Variants in ROBO1 observed in about 807,000 individuals in gnomAD.
ROBO1 encodes the protein roundabout guidance receptor 1, also known as roundabout homolog 1.
A neutral mutation model predicts 195.9 loss-of-function variants in ROBO1; 149 were observed. The ratio of observed to expected loss-of-function variants is 0.76; its 90% CI spans 0.67 to 0.87. ROBO1 has a LOEUF of 0.87. ROBO1 is among the 40% of genes least tolerant of loss of function. The pLI, the probability that ROBO1 is intolerant of heterozygous loss-of-function variation, is 0.00. For missense variants in ROBO1, 1,933 were observed against 2,068.3 expected (o/e 0.93, Z 1.27); for synonymous variants, 816 against 733.2 (o/e 1.11, Z -1.82).
At chr3:79,634,725 G>T (rs1945445458) in intron 1 of ROBO1, among the ~76,000 whole-genome samples, 1 of 151,938 alleles carries the variant, frequency 6.6e-6, no homozygotes. Context: ...ATTATAAACA[G>T]GTTGAAAAAA....
intron 5 of ROBO1, among the ~76,000 whole-genome samples, chr3:78,745,898 A>C (rs2082645772): frequency 6.6e-6 from 1 of 152,178 alleles, no homozygotes; most frequent in South Asian, 2.1e-4. Flanking sequence ...CTACATTATA[A>C]CTTTGCTCTT....
At chr3:78,728,285 T>C (rs1219589577) in intron 5 of ROBO1, among the ~76,000 whole-genome samples, 1 of 152,222 alleles carries the variant, frequency 6.6e-6, no homozygotes, top group Non-Finnish European at 1.5e-5. Context: ...AGATATGATC[T>C]GGTTTCATGC....
chr3:79,456,457 G>A (rs934710144), intron 2 of ROBO1, among the ~76,000 whole-genome samples: 1 of 152,128 alleles, frequency 6.6e-6, no homozygotes, highest in Non-Finnish European at 1.5e-5. Context: ...TGGAGGCAGA[G>A]ACACTGCATG....
At chr3:78,864,958 C>A (rs776320831) in intron 4 of ROBO1, among the ~76,000 whole-genome samples, 1 of 152,066 alleles carries the variant, frequency 6.6e-6, no homozygotes, top group Non-Finnish European at 1.5e-5. Flanking sequence ...TAAATTTTCA[C>A]GTTTGATCGC....
chr3:79,035,388 G>A (rs1372618444), intron 3 of ROBO1, among the ~76,000 whole-genome samples: 1 of 152,108 alleles, frequency 6.6e-6, no homozygotes, highest in Non-Finnish European at 1.5e-5. Flanking sequence ...TGTTAAAATA[G>A]AAAGCTGGCT....
At chr3:78,891,019 T>A (rs1416765985) in intron 4 of ROBO1, among the ~76,000 whole-genome samples, 1 of 152,158 alleles carries the variant, frequency 6.6e-6, no homozygotes, top group African/African-American at 2.4e-5. Context: ...CTTTTTTATA[T>A]TAAAACAGTA....
chr3:78,614,794 C>G lies in ROBO1; in HGVS notation c.4289G>C (p.Arg1430Pro). The change falls in exon 28 of 31, where the codon CGA becomes CCA. Residue 1430 changes from arginine (R) to proline (P), a missense_variant. Physicochemically the swap from Arg to Pro is moderately radical, Grantham distance 103. Coordinates refer to ENST00000464233, the MANE Select transcript of ROBO1 (RefSeq NM_002941.4). Reference protein sequence around the residue: ...RRQMQDAAGRRHFHASQCPRP... With the variant: ...RRQMQDAAGRPHFHASQCPRP... Reference sequence around the variant, plus strand: ...AGGGCACTGAGACGCATGAAAATGTCGACGGCCTAAGGAGAAAAAAAAAAA... The same window carrying G: ...AGGGCACTGAGACGCATGAAAATGTGGACGGCCTAAGGAGAAAAAAAAAAA... The G allele has an allele frequency of 6.3e-7, 1 of 1,596,436 alleles. No homozygotes were observed. Among genetic ancestry groups the G allele is most frequent in the Admixed American group, 1.7e-5 (1 of 57,178 alleles).
At chr3:79,027,552 A>G (rs2078223703) in intron 3 of ROBO1, among the ~76,000 whole-genome samples, 1 of 152,016 alleles carries the variant, frequency 6.6e-6, no homozygotes, top group East Asian at 1.9e-4. Flanking sequence ...TAAATACTGA[A>G]TCCAAATCCT....
At chr3:79,182,229 T>C (rs1411884897) in intron 2 of ROBO1, among the ~76,000 whole-genome samples, 2 of 152,198 alleles carry the variant, frequency 1.3e-5, no homozygotes, top group African/African-American at 4.8e-5. Context: ...GCTCTGTCCT[T>C]TCCTTCACTT....
chr3:79,124,129 C>T (rs1226851709), intron 3 of ROBO1, among the ~76,000 whole-genome samples: 1 of 151,978 alleles, frequency 6.6e-6, no homozygotes, highest in Non-Finnish European at 1.5e-5. Context: ...TTGGTATTGA[C>T]GGTATTAAGG....
intron 2 of ROBO1, among the ~76,000 whole-genome samples, chr3:79,585,924 T>G (rs999087633): frequency 3.3e-5 from 5 of 151,860 alleles, no homozygotes; most frequent in Admixed American, 2.6e-4. Flanking sequence ...GACATATATT[T>G]TCCTAATATA....
At position 78,694,130 on chromosome 3, in the gene ROBO1, G is replaced by A. The variant is rs142331554; in HGVS notation, c.1046-5358C>T. ...TCTATAAATCATAATTACATTTTCT[G>A]TTTTCAATGTTGAAACATTAGGCAT... On this transcript the variant is annotated intron_variant, in intron 8 of 30. Coordinates refer to ENST00000464233, the MANE Select transcript of ROBO1 (RefSeq NM_002941.4). Among the ~76,000 whole-genome samples, 298 of 152,180 alleles carry A rather than the reference G, an allele frequency of 2.0e-3. 2 individuals carry two copies. The highest frequency in any genetic ancestry group is 6.8e-3 in the African/African-American group (284 of 41,538).
chr3:79,587,178 C>G (rs1943856330), intron 2 of ROBO1, among the ~76,000 whole-genome samples: 1 of 151,174 alleles, frequency 6.6e-6, no homozygotes. Context: ...TATTATGAAA[C>G]ATAATAGCAG....
chr3:78,818,544 C>T (rs572885087), intron 4 of ROBO1, among the ~76,000 whole-genome samples: 7 of 152,320 alleles, frequency 4.6e-5, no homozygotes, highest in Non-Finnish European at 1.0e-4. Flanking sequence ...CAGCAGGAGG[C>T]CATGATAATG....
At chr3:78,998,262 C>A (rs188051870) in intron 3 of ROBO1, among the ~76,000 whole-genome samples, 2 of 152,098 alleles carry the variant, frequency 1.3e-5, no homozygotes, top group Non-Finnish European at 2.9e-5. Flanking sequence ...TACGTCTAAT[C>A]TTAAGTACCA....
At chr3:78,901,455 G>C (rs891703948) in intron 4 of ROBO1, among the ~76,000 whole-genome samples, 2 of 152,094 alleles carry the variant, frequency 1.3e-5, no homozygotes, top group Non-Finnish European at 2.9e-5. Context: ...TTAAAATATA[G>C]TAAATATAAA....
chr3:79,335,808 A>C (rs2034641807), intron 2 of ROBO1, among the ~76,000 whole-genome samples: 1 of 152,184 alleles, frequency 6.6e-6, no homozygotes, highest in South Asian at 2.1e-4. Flanking sequence ...AGAGCTTGGA[A>C]GAAGACAGGA....
chr3:79,375,612 G>T (rs1020084796), intron 2 of ROBO1, among the ~76,000 whole-genome samples: 2 of 152,272 alleles, frequency 1.3e-5, no homozygotes, highest in South Asian at 4.1e-4. Context: ...CATTTCAGAT[G>T]ATGGCCAGGA....
At chr3:79,232,567 T>G (rs2082339205) in intron 2 of ROBO1, among the ~76,000 whole-genome samples, 1 of 151,902 alleles carries the variant, frequency 6.6e-6, no homozygotes, top group Non-Finnish European at 1.5e-5. Context: ...AAGGAAAAAG[T>G]ACCCAACTCT....
Sources: allele counts gnomAD v4.1 joint callset (sites outside exome capture counted in the v4.1 genomes callset), GRCh38; gene constraint gnomAD v4.1.1; transcripts MANE v1.5; gene names NCBI Gene and HGNC (gene_info 2026-07-23, HGNC 2026-07-21).